C3orf20: variants seen among roughly 807,000 people sequenced by gnomAD.
C3orf20 encodes the protein family with sequence similarity 149 member C, also known as uncharacterized protein C3orf20.
Under a neutral mutation model 88.3 loss-of-function variants are expected in C3orf20, and 76 were observed. The observed-to-expected ratio is 0.86, with a 90% CI of 0.72 to 1.04. The LOEUF is 1.04. Ranked by LOEUF, C3orf20 falls within the 50% of genes least tolerant of loss-of-function variation. The pLI is 0.00. For synonymous variants in C3orf20, 436 were observed against 437.4 expected (o/e 1.00, Z 0.04); for missense variants, 1,056 against 1,123.3 (o/e 0.94, Z 0.86).
chr3:14,760,825 G>A (rs1032136923), intron 14 of C3orf20, among the ~76,000 whole-genome samples: 1 of 151,958 alleles, frequency 6.6e-6, no homozygotes, highest in African/African-American at 2.4e-5. Context: ...GGCCAGGCTG[G>A]TCTCGAACTC....
chr3:14,714,600 T>TTTTTGG (rs892623170), intron 8 of C3orf20, among the ~76,000 whole-genome samples: 3 of 152,198 alleles, frequency 2.0e-5, no homozygotes, highest in African/African-American at 7.2e-5. Context: ...TTTTGTTTTG[T>TTTTTGG]TTTTGTTTTT....
At chr3:14,683,540 CCAGA>C (rs746218095) in intron 3 of C3orf20, among the ~76,000 whole-genome samples, 1 of 152,024 alleles carries the variant, frequency 6.6e-6, no homozygotes, top group Non-Finnish European at 1.5e-5. Flanking sequence ...TGGGAAGTAG[CCAGA>C]CAGAGCCCAG....
At chr3:14,752,416 C>G (rs566575957) in intron 12 of C3orf20, among the ~76,000 whole-genome samples, 1 of 152,266 alleles carries the variant, frequency 6.6e-6, no homozygotes, top group South Asian at 2.1e-4. Context: ...TAATTCAGGA[C>G]ATAGGCATGG....
chr3:14,738,630 CTTTTTTTT>C (rs34407504), intron 12 of C3orf20, among the ~76,000 whole-genome samples: 3 of 73,482 alleles, frequency 4.1e-5, no homozygotes, highest in African/African-American at 1.9e-4. Flanking sequence ...CATGCCCGGC[CTTTTTTTT>C]TTTTTTTTTT....
intron 12 of C3orf20, among the ~76,000 whole-genome samples, chr3:14,752,102 C>T (rs1157344633): frequency 6.6e-6 from 1 of 152,142 alleles, no homozygotes; most frequent in Non-Finnish European, 1.5e-5. Context: ...CTACAGTAAC[C>T]AAAACAGCAT....
intron 12 of C3orf20, among the ~76,000 whole-genome samples, chr3:14,737,273 C>G (rs1488691875): frequency 1.6e-4 from 25 of 151,734 alleles, no homozygotes; most frequent in Admixed American, 1.6e-3. Context: ...CCTTCCCCAC[C>G]TTTCCACTTT....
In C3orf20 at chr3:14,734,511, A is replaced by T. The variant is rs1205630729; in HGVS notation, c.1940+5823A>T. ...ACCATTTCGGGATTGTCTAGTTATC[A>T]TTTTTTCTTTTTAACATTAAATTGT... is the stretch of plus-strand genomic sequence containing the variant. On this transcript the variant is annotated intron_variant, in intron 12 of 16. Coordinates refer to ENST00000253697, the MANE Select transcript of C3orf20 (RefSeq NM_032137.5). Among the ~76,000 whole-genome samples the T allele has an allele frequency of 5.3e-5, 8 of 152,058 alleles. No homozygotes were observed. The South Asian group carries it at 1.7e-3, about 31-fold the overall frequency.
intron 7 of C3orf20, 79 bp from the exon 8 acceptor site, chr3:14,713,928 T>A (rs2033842821): frequency 6.6e-7 from 1 of 1,508,230 alleles, no homozygotes; most frequent in South Asian, 1.2e-5. Context: ...CACTTTGACA[T>A]GTGGACTTGC....
At chr3:14,726,574 G>T (rs2034355205) in intron 10 of C3orf20, among the ~76,000 whole-genome samples, 1 of 152,220 alleles carries the variant, frequency 6.6e-6, no homozygotes, top group East Asian at 1.9e-4. Flanking sequence ...GCAGTCTAGT[G>T]GAAAGATAGG....
Position 14,701,054 on chromosome 3 carries a change from A to G in C3orf20, c.746-2076A>G, listed in dbSNP as rs1463466081. ...GAGCAAGAGACCGTCACCTTTGGGG[A>G]GCCCAAGGCACCTGGGGCAGGCCAG... On this transcript the variant is annotated intron_variant, in intron 5 of 16. Coordinates refer to ENST00000253697, the MANE Select transcript of C3orf20 (RefSeq NM_032137.5). This position sits in a 1 kb window ranked among gnomAD's most constrained non-coding sequence, Gnocchi z 4.6. Among the ~76,000 whole-genome samples, 2 of 152,196 alleles carry G rather than the reference A, an allele frequency of 1.3e-5. No homozygotes were observed. The highest frequency in any genetic ancestry group is 2.9e-5 in the Non-Finnish European group (2 of 68,030).
Position 14,721,745 on chromosome 3 carries a change from G to A in C3orf20, c.1527G>A (p.Ser509=), listed in dbSNP as rs35228019. 6.2e-4 allele frequency: 993 copies of A among 1,614,078 alleles called. 7 individuals are homozygous for A. The African/African-American group carries it at 0.012, about 19-fold the overall frequency. The part of the protein sequence containing the change: ...SLNETVTLTV[S]ANNCPHGMAY... ...ATGAGACAGTAACACTCACTGTGTC[G>A]GCCAACAATTGTCCCCATGGAATGG... Residue 509 remains serine, a synonymous_variant, in exon 10 of 17, where the codon TCG becomes TCA. Coordinates refer to ENST00000253697, the MANE Select transcript of C3orf20 (RefSeq NM_032137.5).
chr3:14,706,594 C>T (rs915902753), intron 7 of C3orf20, among the ~76,000 whole-genome samples: 6 of 132,902 alleles, frequency 4.5e-5, no homozygotes, highest in African/African-American at 1.7e-4. Flanking sequence ...TCCATTGCTA[C>T]TGGCACTCTT....
intron 12 of C3orf20, among the ~76,000 whole-genome samples, chr3:14,751,393 A>G (rs1163106158): frequency 6.6e-6 from 1 of 152,228 alleles, no homozygotes; most frequent in Admixed American, 6.5e-5. Flanking sequence ...CAGCCCCCGG[A>G]GGGCAAGCTA....
At chr3:14,694,028 C>T (rs1475738231) in intron 5 of C3orf20, among the ~76,000 whole-genome samples, 1 of 152,070 alleles carries the variant, frequency 6.6e-6, no homozygotes, top group Non-Finnish European at 1.5e-5. Context: ...TCCTTGCATC[C>T]CAGAGATAAA....
chr3:14,759,341 C>G (rs567929155), intron 13 of C3orf20, among the ~76,000 whole-genome samples: 1 of 152,188 alleles, frequency 6.6e-6, no homozygotes, highest in South Asian at 2.1e-4. Context: ...CTGAGGCATC[C>G]AGAAAGAAGG....
intron 9 of C3orf20, among the ~76,000 whole-genome samples, chr3:14,719,368 T>A (rs1275644631): frequency 6.6e-6 from 1 of 152,170 alleles, no homozygotes; most frequent in East Asian, 1.9e-4. Context: ...CAATATTTTT[T>A]AAAGGGGTCA....
In C3orf20 at chr3:14,682,872, G is replaced by C; in HGVS notation, c.159G>C (p.Glu53Asp). 6.2e-7 allele frequency: 1 copy of C among 1,614,202 alleles called. No individual in the cohort carries two copies. Among genetic ancestry groups the C allele is most frequent in the Non-Finnish European group, 8.5e-7 (1 of 1,180,032 alleles). Residue 53 changes from glutamate to aspartate, a missense_variant, in exon 3 of 17, where the codon GAG becomes GAC. Physicochemically the swap from Glu to Asp is conservative, Grantham distance 45 (BLOSUM62 2). Coordinates refer to ENST00000253697, the MANE Select transcript of C3orf20 (RefSeq NM_032137.5). ...ACATCTTTGAGTTCACTTGGGAAGA[G>C]CTCATCAGTGACCCTTCAGTGCCTA... ...IRNIFEFTWE[E>D]LISDPSVPTP...
At chr3:14,770,802 C>T (rs2035840539) in intron 15 of C3orf20, among the ~76,000 whole-genome samples, 1 of 152,246 alleles carries the variant, frequency 6.6e-6, no homozygotes, top group South Asian at 2.1e-4. Flanking sequence ...AATAAGCCCA[C>T]TCACCTCTCT....
chr3:14,759,937 C>G lies in C3orf20; in HGVS notation c.2291C>G (p.Pro764Arg), dbSNP rs763742689. ...YRLLQYDLDS[P>R]LQEDPPLMVK... The stretch of plus-strand genomic sequence containing the variant: ...CTGCTGCAGTATGACCTGGACAGCC[C>G]CCTGCAGGAGGACCCTCCCCTGATG... The change falls in exon 14 of 17, where the codon CCC becomes CGC. Residue 764 changes from proline to arginine, a missense_variant. Physicochemically the swap from Pro to Arg is moderately radical, Grantham distance 103. Transcript: ENST00000253697. 5 of 1,614,006 alleles carry G rather than the reference C, an allele frequency of 3.1e-6. No homozygotes were observed. In the African/African-American group the frequency reaches 6.7e-5, roughly 22 times the overall value.
Sources: allele counts gnomAD v4.1 joint callset (sites outside exome capture counted in the v4.1 genomes callset), GRCh38; gene constraint gnomAD v4.1.1; non-coding constraint Gnocchi (gnomAD v3.1); transcripts MANE v1.5; gene names NCBI Gene and HGNC (gene_info 2026-07-23, HGNC 2026-07-21).